TRIT1: variants seen among roughly 807,000 people sequenced by gnomAD.
TRIT1 encodes tRNA dimethylallyltransferase.
TRIT1 carries 43 observed loss-of-function variants against 51.2 expected under a neutral mutation model. That is an observed-to-expected ratio of 0.84 (90% CI 0.66 to 1.08). TRIT1 has a LOEUF of 1.08. Ranked by LOEUF, TRIT1 falls within the 50% of genes least tolerant of loss-of-function variation. The pLI, the probability that TRIT1 is intolerant of heterozygous loss-of-function variation, is 0.00. For missense variants in TRIT1, 528 were observed against 578.4 expected, an observed-to-expected ratio of 0.91 and a Z score of 0.89; for synonymous variants, 184 against 203.9, an observed-to-expected ratio of 0.90 and a Z score of 0.83.
intron 1 of TRIT1, among the ~76,000 whole-genome samples, chr1:39,881,200 T>C (rs112973094): frequency 7.2e-6 from 1 of 138,084 alleles, no homozygotes; most frequent in African/African-American, 2.8e-5. Context: ...CACTCCAGCC[T>C]GGGCAACAAG....
At chr1:39,853,850 A>C in intron 3 of TRIT1, 120 bp downstream of exon 3, 1 of 673,180 alleles carries the variant, frequency 1.5e-6, no homozygotes, top group Non-Finnish European at 2.5e-6. Flanking sequence ...AATATTAAGT[A>C]GGAAAATTAT....
intron 6 of TRIT1, 26 bp downstream of exon 6, chr1:39,847,960 G>A (rs750845995): frequency 3.1e-6 from 5 of 1,591,630 alleles, no homozygotes; most frequent in Middle Eastern, 1.7e-4. Context: ...ATGGACAGTA[G>A]GTCAGAATAA....
intron 1 of TRIT1, chr1:39,881,555 CT>C (rs34559931): frequency 0.57 from 84,302 of 147,992 alleles, 25,747 homozygotes; most frequent in African/African-American, 0.83. Flanking sequence ...ATTCATGTTC[CT>C]TTTTTTTTTT....
chr1:39,842,531 G>A (rs1489764865), intron 10 of TRIT1, among the ~76,000 whole-genome samples: 3 of 152,156 alleles, frequency 2.0e-5, no homozygotes, highest in Non-Finnish European at 4.4e-5. Context: ...GAGACAGGAA[G>A]GTGCATTTAT....
At chr1:39,846,314 G>A (rs1642220000) in intron 8 of TRIT1, among the ~76,000 whole-genome samples, 1 of 152,210 alleles carries the variant, frequency 6.6e-6, no homozygotes, top group African/African-American at 2.4e-5. Flanking sequence ...GGCCCTGTCT[G>A]TAATTGAGAG....
chr1:39,860,425 C>T lies in TRIT1; in HGVS notation c.175-3008G>A, dbSNP rs567906003. Among the ~76,000 whole-genome samples, 7 of 152,270 alleles carry T rather than the reference C, an allele frequency of 4.6e-5. No homozygotes were observed. In the East Asian group the frequency reaches 5.8e-4, roughly 13 times the overall value. The stretch of plus-strand genomic sequence containing the variant: ...ACTTCTGAGCACCAAACACACAACT[C>T]GGAGGAAACGCTCACTGGAGTATTT... On this transcript the variant is annotated intron_variant, in intron 1 of 10. Transcript: ENST00000316891.
intron 7 of TRIT1, 81 bp from the exon 8 acceptor site, chr1:39,847,378 GAA>G: frequency 6.7e-7 from 1 of 1,500,036 alleles, no homozygotes; most frequent in Admixed American, 1.7e-5. Flanking sequence ...AGCCCAGCAG[GAA>G]AAAGTCAGCC....
chr1:39,852,998 G>A, intron 3 of TRIT1, 122 bp from the exon 4 acceptor site: 1 of 1,132,584 alleles, frequency 8.8e-7, no homozygotes, highest in Non-Finnish European at 1.2e-6. Flanking sequence ...TATAGTGAGA[G>A]ATCATAAACA....
chr1:39,882,214 T>C (rs1026013953), intron 1 of TRIT1, among the ~76,000 whole-genome samples: 3 of 152,248 alleles, frequency 2.0e-5, no homozygotes, highest in African/African-American at 7.2e-5. Context: ...CAAAGTAGAC[T>C]GCAAACAAAT....
Position 39,838,223 on chromosome 1 carries a change from C to T in TRIT1, c.*3521G>A, listed in dbSNP as rs1652450662. Among the ~76,000 whole-genome samples the T allele has an allele frequency of 6.6e-6, 1 of 152,226 alleles. No homozygotes were observed. Among genetic ancestry groups the T allele is most frequent in the Admixed American group, 6.5e-5 (1 of 15,274 alleles). On this transcript the variant is annotated 3_prime_UTR_variant, in exon 11 of 11. Coordinates refer to ENST00000316891, the MANE Select transcript of TRIT1 (RefSeq NM_017646.6). Reference sequence around the variant, plus strand: ...CCATCATTTTAGAAAACAGCCTTAACTGCCCAAGTAGGTGATAATCAAATA... The same window carrying T: ...CCATCATTTTAGAAAACAGCCTTAATTGCCCAAGTAGGTGATAATCAAATA...
intron 7 of TRIT1, 68 bp downstream of exon 7, chr1:39,847,480 G>C (rs1642298858): frequency 6.4e-7 from 1 of 1,557,206 alleles, no homozygotes; most frequent in Admixed American, 1.7e-5. Context: ...CTCTTTCTCA[G>C]ACCATACCAG....
chr1:39,849,285 T>C (rs1409166091), intron 5 of TRIT1, among the ~76,000 whole-genome samples: 1 of 152,208 alleles, frequency 6.6e-6, no homozygotes, highest in East Asian at 1.9e-4. Flanking sequence ...TAATTTGTCT[T>C]AACAATTCAC....
intron 1 of TRIT1, among the ~76,000 whole-genome samples, chr1:39,870,372 C>A (rs6600302): frequency 2.8e-4 from 43 of 152,054 alleles, no homozygotes; most frequent in Non-Finnish European, 5.4e-4. Flanking sequence ...ACAAACACTG[C>A]GGAAGGCCGC....
intron 5 of TRIT1, among the ~76,000 whole-genome samples, 192 bp downstream of exon 5, chr1:39,849,927 T>C (rs1333804652): frequency 2.0e-5 from 3 of 152,332 alleles, no homozygotes; most frequent in East Asian, 1.9e-4. Flanking sequence ...CCTTTCTCCC[T>C]TTCCAAACAG....
intron 7 of TRIT1, 93 bp downstream of exon 7, chr1:39,847,455 C>A: frequency 1.4e-6 from 2 of 1,474,318 alleles, no homozygotes; most frequent in Non-Finnish European, 1.9e-6. Flanking sequence ...CTATTTGGGA[C>A]GCTTTAAGCC....
At position 39,869,301 on chromosome 1, in the gene TRIT1, C is replaced by T. The variant is rs557373749; in HGVS notation, c.175-11884G>A. Among the ~76,000 whole-genome samples, 20 of 152,338 alleles carry T rather than the reference C, an allele frequency of 1.3e-4. No individual in the cohort carries two copies. In the East Asian group the frequency reaches 2.9e-3, roughly 22 times the overall value. ...TATTTTTTTGGTGGAGACAGGGTTT[C>T]GCCGTGTTGGCCGGGCTGGTCTCCA... is the stretch of plus-strand genomic sequence containing the variant. On this transcript the variant is annotated intron_variant, in intron 1 of 10. Transcript: ENST00000316891.
chr1:39,870,122 T>C (rs1188209791), intron 1 of TRIT1, among the ~76,000 whole-genome samples: 1 of 152,212 alleles, frequency 6.6e-6, no homozygotes, highest in Non-Finnish European at 1.5e-5. Flanking sequence ...TGTGTCTGTG[T>C]AGAAAGAAGT....
chr1:39,847,684 G>T, intron 6 of TRIT1, 24 bp from the exon 7 acceptor site: 1 of 1,614,102 alleles, frequency 6.2e-7, no homozygotes, highest in Non-Finnish European at 8.5e-7. Flanking sequence ...GGTATCAGCA[G>T]ATAAGCCATT....
rs915486100 is a variant in TRIT1 at position 39,840,547 on chromosome 1, T to C, written c.*1197A>G. 2.6e-5 allele frequency among the ~76,000 whole-genome samples: 4 copies of C among 152,192 alleles called. No homozygotes were observed. The highest frequency in any genetic ancestry group is 9.6e-5 in the African/African-American group (4 of 41,458). ...CACATGCAATTATTTATAAGCTCCCTGAAGGCAAGAACCACATCTCATCTC... is the reference window on the plus strand; with the variant it reads ...CACATGCAATTATTTATAAGCTCCCCGAAGGCAAGAACCACATCTCATCTC... On this transcript the variant is annotated 3_prime_UTR_variant, in exon 11 of 11. Coordinates refer to ENST00000316891, the MANE Select transcript of TRIT1 (RefSeq NM_017646.6).
Sources: allele counts gnomAD v4.1 joint callset (sites outside exome capture counted in the v4.1 genomes callset), GRCh38; gene constraint gnomAD v4.1.1; transcripts MANE v1.5; gene names NCBI Gene and HGNC (gene_info 2026-07-23, HGNC 2026-07-21).